The following HSPA14 variants were observed in gnomAD, a reference collection of about 807,000 sequenced individuals.
The protein encoded by HSPA14 is heat shock 70 kDa protein 14.
In HSPA14, 37 loss-of-function variants were observed where a neutral mutation model predicts 65.5. That is an observed-to-expected ratio of 0.56 (90% CI 0.43 to 0.74). The LOEUF (loss-of-function observed/expected upper bound fraction) is 0.74, where lower values mean the gene tolerates loss of function less well. Ranked by LOEUF, HSPA14 falls within the 30% of genes least tolerant of loss-of-function variation. The pLI is 0.00. For synonymous variants in HSPA14, 203 were observed against 214.2 expected (o/e 0.95, Z 0.46); for missense variants, 564 against 607.6 (o/e 0.93, Z 0.75).
At chr10:14,870,739 TTTTA>T (rs371171799) in intron 13 of HSPA14, 72 bp downstream of exon 13, 11 of 1,304,816 alleles carry the variant, frequency 8.4e-6, no homozygotes, top group African/African-American at 7.6e-5. Flanking sequence ...TTATTGATTT[TTTTA>T]TTTATTGTCA....
In HSPA14 at chr10:14,850,844, T is replaced by A. The variant is rs113551336; in HGVS notation, c.468-375T>A. The A allele has an allele frequency of 5.7e-3, 891 of 157,690 alleles. 12 individuals are homozygous for A. Among genetic ancestry groups the A allele is most frequent in the African/African-American group, 0.02 (820 of 41,724 alleles). 9.8% of individuals were successfully genotyped at this position (157,690 alleles called of 1,614,324 possible). A position where few individuals can be genotyped will look rare whatever the true frequency, so the allele number is the denominator to read the frequency against. ...GTTAAAATGTGGCAAGTACTTTGAA[T>A]GGGGAAGTTCTGGATAGCATGAAGA... On this transcript the variant is annotated intron_variant, in intron 6 of 13. Transcript: ENST00000378372.
At chr10:14,839,431 C>T (rs895365788) in intron 1 of HSPA14, among the ~76,000 whole-genome samples, 2 of 151,998 alleles carry the variant, frequency 1.3e-5, no homozygotes, top group South Asian at 4.2e-4. Flanking sequence ...AAAAATTAGC[C>T]GGGAACGCCT....
At chr10:14,855,055 G>C (rs1317129418) in intron 9 of HSPA14, among the ~76,000 whole-genome samples, 1 of 152,124 alleles carries the variant, frequency 6.6e-6, no homozygotes, top group Non-Finnish European at 1.5e-5. Flanking sequence ...TATTTTTCTA[G>C]TTCCAGAATT....
At chr10:14,843,042 G>A (rs937511466) in intron 3 of HSPA14, among the ~76,000 whole-genome samples, 1 of 152,174 alleles carries the variant, frequency 6.6e-6, no homozygotes, top group African/African-American at 2.4e-5. Flanking sequence ...GCAACATAAG[G>A]TATTAGAACC....
intron 3 of HSPA14, 79 bp downstream of exon 3, chr10:14,840,236 A>G: frequency 1.5e-6 from 1 of 683,926 alleles, no homozygotes; most frequent in African/African-American, 1.9e-5. Flanking sequence ...AAAAGAAATT[A>G]GAAACAGCAT....
At chr10:14,866,682 A>C (rs932219193) in intron 10 of HSPA14, among the ~76,000 whole-genome samples, 1 of 152,210 alleles carries the variant, frequency 6.6e-6, no homozygotes, top group African/African-American at 2.4e-5. Flanking sequence ...AGAGAATAGC[A>C]ATATTTGTCA....
At chr10:14,862,136 C>T (rs1170799927) in intron 10 of HSPA14, among the ~76,000 whole-genome samples, 2 of 150,962 alleles carry the variant, frequency 1.3e-5, no homozygotes, top group East Asian at 3.9e-4. Flanking sequence ...ACGCCATTCT[C>T]CTGCCTCAGC....
intron 1 of HSPA14, among the ~76,000 whole-genome samples, chr10:14,839,150 C>T (rs1312702320): frequency 6.6e-6 from 1 of 152,148 alleles, no homozygotes; most frequent in African/African-American, 2.4e-5. Flanking sequence ...GGACTTGTGG[C>T]CTTTCTCTCA....
chr10:14,858,164 A>C lies in HSPA14; in HGVS notation c.993+2221A>C, dbSNP rs112547203. ...CCTTACAAGTAAGTATTGTAAGTAT[A>C]AGTTACTCTATAGGGTTGCTACAAG... On this transcript the variant is annotated intron_variant, in intron 10 of 13. Coordinates refer to ENST00000378372, the MANE Select transcript of HSPA14 (RefSeq NM_016299.4). Among the ~76,000 whole-genome samples the C allele has an allele frequency of 7.6e-4, 115 of 152,302 alleles. 1 individual carries two copies. The highest frequency in any genetic ancestry group is 2.5e-3 in the African/African-American group (105 of 41,556).
In HSPA14 at chr10:14,844,221, C is replaced by A. The variant is rs190455322; in HGVS notation, c.221+4064C>A. 1.1e-3 allele frequency: 1,171 copies of A among 1,109,586 alleles called. 1 individual carries two copies. Among genetic ancestry groups the A allele is most frequent in the Non-Finnish European group, 1.2e-3 (1,088 of 879,818 alleles). The allele number at this position is 1,109,586 out of a possible 1,614,324, so 68.7% of individuals were successfully genotyped here. The stretch of plus-strand genomic sequence containing the variant: ...TCCGTAAAATGGGGATCAATAATAA[C>A]TCCTGCCCTGCCTACCTCACAGGGT... On this transcript the variant is annotated intron_variant, in intron 3 of 13. Coordinates refer to ENST00000378372, the MANE Select transcript of HSPA14 (RefSeq NM_016299.4).
Position 14,848,646 on chromosome 10 carries a change from AGTAAAT to A in HSPA14, c.262_267del (p.Lys88_Cys89del). ...ACAAGCTCAGAAATACATCGCGGAA[AGTAAAT>A]GTTTAGTGAGTATGGTTCTGTTATT... On this transcript the variant is annotated inframe_deletion, in exon 4 of 14. Transcript: ENST00000378372. The A allele has an allele frequency of 6.2e-7, 1 of 1,611,328 alleles. No homozygotes were observed. Among genetic ancestry groups the A allele is most frequent in the Non-Finnish European group, 8.5e-7 (1 of 1,178,078 alleles).
chr10:14,848,517 A>G, intron 3 of HSPA14, 92 bp from the exon 4 acceptor site: 1 of 819,608 alleles, frequency 1.2e-6, no homozygotes, highest in Non-Finnish European at 2.0e-6. Context: ...GTATTTGTTC[A>G]GTGATATTGT....
chr10:14,847,023 G>A (rs1834064391), intron 3 of HSPA14: 1 of 985,366 alleles, frequency 1.0e-6, no homozygotes, highest in Non-Finnish European at 1.2e-6. Flanking sequence ...CCACTACTTT[G>A]TGATGATGTC....
chr10:14,849,989 G>T (rs1330080657), intron 6 of HSPA14, among the ~76,000 whole-genome samples, 178 bp downstream of exon 6: 2 of 152,154 alleles, frequency 1.3e-5, no homozygotes, highest in African/African-American at 4.8e-5. Flanking sequence ...AAGAGGCCAG[G>T]TGTGGTGGTT....
intron 10 of HSPA14, among the ~76,000 whole-genome samples, chr10:14,862,731 G>A (rs1054300827): frequency 6.6e-6 from 1 of 151,816 alleles, no homozygotes; most frequent in African/African-American, 2.4e-5. Flanking sequence ...CCAGGCTGGA[G>A]TGTAGTGGCA....
At position 14,838,307 on chromosome 10, in the gene HSPA14, T is replaced by G. The variant is rs370615312; in HGVS notation, c.-96T>G. On this transcript the variant is annotated 5_prime_UTR_variant, in exon 1 of 14. Coordinates refer to ENST00000378372, the MANE Select transcript of HSPA14 (RefSeq NM_016299.4). Reference sequence around the variant, plus strand: ...CGGACGCAGGGGGCTGGCGGGAACGTGAAGCTCCGCGGTGCCTGATGGGGC... The same window carrying G: ...CGGACGCAGGGGGCTGGCGGGAACGGGAAGCTCCGCGGTGCCTGATGGGGC... The G allele has an allele frequency of 7.8e-6, 10 of 1,289,096 alleles. No homozygotes were observed. The African/African-American group carries it at 1.2e-4, about 15-fold the overall frequency. 79.9% of individuals were successfully genotyped at this position (1,289,096 alleles called of 1,614,324 possible).
chr10:14,860,373 G>A (rs1169727051), intron 10 of HSPA14, among the ~76,000 whole-genome samples: 2 of 152,140 alleles, frequency 1.3e-5, no homozygotes, highest in African/African-American at 2.4e-5. Context: ...GAACAATATA[G>A]TGAGGATATA....
chr10:14,855,767 T>G (rs1834141352), intron 9 of HSPA14, 74 bp from the exon 10 acceptor site: 1 of 728,314 alleles, frequency 1.4e-6, no homozygotes, highest in African/African-American at 1.8e-5. Context: ...ATTTGTTTGA[T>G]TGTACTGAGC....
chr10:14,855,011 T>C (rs1434698424), intron 9 of HSPA14, among the ~76,000 whole-genome samples: 2 of 152,234 alleles, frequency 1.3e-5, no homozygotes, highest in East Asian at 3.8e-4. Context: ...AGGCATTGCA[T>C]TGAATTAGAA....
Sources: allele counts gnomAD v4.1 joint callset (sites outside exome capture counted in the v4.1 genomes callset), GRCh38; gene constraint gnomAD v4.1.1; transcripts MANE v1.5; gene names NCBI Gene and HGNC (gene_info 2026-07-23, HGNC 2026-07-21).